The following THRB variants were observed in gnomAD, a reference collection of about 807,000 sequenced individuals.
THRB encodes nuclear receptor subfamily 1 group A member 2.
THRB carries 12 observed loss-of-function variants against 47.8 expected under a neutral mutation model. The ratio of observed to expected loss-of-function variants is 0.25; its 90% CI spans 0.16 to 0.41. THRB has a LOEUF of 0.41. Ranked by LOEUF, THRB falls within the 10% of genes least tolerant of loss-of-function variation. The pLI, the probability that THRB is intolerant of heterozygous loss-of-function variation, is 1.00. For synonymous variants in THRB, 218 were observed against 212.2 expected, an observed-to-expected ratio of 1.03 and a Z score of -0.24; for missense variants, 348 against 589.2, an observed-to-expected ratio of 0.59 and a Z score of 4.24.
At chr3:24,253,659 A>G (rs1314845700) in intron 3 of THRB, among the ~76,000 whole-genome samples, 1 of 152,192 alleles carries the variant, frequency 6.6e-6, no homozygotes, top group Non-Finnish European at 1.5e-5. Context: ...CCAGATCTTC[A>G]GATTTTCCAA....
At chr3:24,315,700 T>C (rs1004373060) in intron 2 of THRB, among the ~76,000 whole-genome samples, 3 of 152,206 alleles carry the variant, frequency 2.0e-5, no homozygotes, top group African/African-American at 7.2e-5. Context: ...TGCTACCTTA[T>C]CCACATCTAC....
At chr3:24,233,591 G>GAAAGAAAGAAAGAAAAAT (rs2048523778) in intron 3 of THRB, among the ~76,000 whole-genome samples, 37 of 69,406 alleles carry the variant, frequency 5.3e-4, no homozygotes, top group Middle Eastern at 0.01. Context: ...AAGAAAGAAA[G>GAAAGAAAGAAAGAAAAAT]AAAGAAAGAA....
chr3:24,394,425 T>A (rs370649144), intron 1 of THRB, among the ~76,000 whole-genome samples: 8 of 152,084 alleles, frequency 5.3e-5, no homozygotes, highest in African/African-American at 1.7e-4. Context: ...GCCTGGCTGA[T>A]GAGGGTTTCC....
At chr3:24,324,743 AG>A (rs550455688) in intron 2 of THRB, among the ~76,000 whole-genome samples, 93 of 152,352 alleles carry the variant, frequency 6.1e-4, no homozygotes, top group African/African-American at 2.2e-3. Context: ...ACCAAGGCCA[AG>A]CTTAAATGAG....
intron 1 of THRB, among the ~76,000 whole-genome samples, chr3:24,371,753 A>G (rs1020565964): frequency 1.4e-4 from 22 of 152,150 alleles, no homozygotes; most frequent in Admixed American, 1.2e-3. Flanking sequence ...GTATTGCTAC[A>G]TTCAGTGGTC....
intron 1 of THRB, among the ~76,000 whole-genome samples, chr3:24,375,740 C>G (rs2065238858): frequency 6.6e-6 from 1 of 151,862 alleles, no homozygotes; most frequent in African/African-American, 2.4e-5. Flanking sequence ...CCTCACTTTA[C>G]AGACAGGCAA....
chr3:24,169,907 C>G (rs903444957), intron 5 of THRB, among the ~76,000 whole-genome samples: 1 of 152,116 alleles, frequency 6.6e-6, no homozygotes, highest in East Asian at 1.9e-4. Flanking sequence ...GCAAGAGAGA[C>G]CTTATAGCCT....
chr3:24,177,556 C>G (rs2041327325), intron 5 of THRB, among the ~76,000 whole-genome samples: 1 of 152,112 alleles, frequency 6.6e-6, no homozygotes, highest in South Asian at 2.1e-4. Flanking sequence ...AGGCAGAACA[C>G]AATGAATACT....
intron 5 of THRB, among the ~76,000 whole-genome samples, chr3:24,181,405 A>G (rs190692266): frequency 1.1e-4 from 17 of 152,352 alleles, no homozygotes; most frequent in Non-Finnish European, 1.6e-4. Flanking sequence ...CCAAGAACCA[A>G]TGGTCATCTG....
chr3:24,125,067 C>CTACTT (rs1419802890), intron 10 of THRB, among the ~76,000 whole-genome samples: 1 of 152,190 alleles, frequency 6.6e-6, no homozygotes, highest in Non-Finnish European at 1.5e-5. Flanking sequence ...TCATCTCCAC[C>CTACTT]TACTTTTCCT....
chr3:24,456,055 A>T (rs1210595979), intron 1 of THRB, among the ~76,000 whole-genome samples: 1 of 152,226 alleles, frequency 6.6e-6, no homozygotes, highest in Admixed American at 6.5e-5. Context: ...TCGGCCAGGC[A>T]TGATGGCTCA....
At chr3:24,490,455 T>C (rs1051359343) in intron 1 of THRB, among the ~76,000 whole-genome samples, 8 of 152,182 alleles carry the variant, frequency 5.3e-5, no homozygotes, top group Non-Finnish European at 1.5e-5. Context: ...TACCCTTCCA[T>C]TCATTCTTCC....
chr3:24,152,543 G>C, intron 5 of THRB, 53 bp from the exon 6 acceptor site: 1 of 983,520 alleles, frequency 1.0e-6, no homozygotes, highest in Non-Finnish European at 1.6e-6. Flanking sequence ...TAACGTCAAA[G>C]AGACACTATA....
chr3:24,330,724 C>T (rs561736012), intron 2 of THRB, among the ~76,000 whole-genome samples: 14 of 152,212 alleles, frequency 9.2e-5, no homozygotes, highest in Admixed American at 2.0e-4. Flanking sequence ...CCTGGAGTAG[C>T]CAGCAGCCAG....
chr3:24,203,936 C>T (rs971056787), intron 4 of THRB, among the ~76,000 whole-genome samples: 2 of 152,234 alleles, frequency 1.3e-5, no homozygotes, highest in African/African-American at 4.8e-5. Context: ...GATCAAACTG[C>T]AAGGTGGCAG....
At chr3:24,363,103 G>C (rs892361543) in intron 1 of THRB, among the ~76,000 whole-genome samples, 1 of 152,140 alleles carries the variant, frequency 6.6e-6, no homozygotes, top group African/African-American at 2.4e-5. Context: ...ATCATTTGTA[G>C]AGGAGATGGA....
intron 2 of THRB, among the ~76,000 whole-genome samples, chr3:24,324,028 A>G: frequency 6.6e-6 from 1 of 152,054 alleles, no homozygotes; most frequent in East Asian, 1.9e-4. Context: ...CCCAATATGA[A>G]AGTTTTCTAC....
chr3:24,382,961 G>C (rs1468140565), intron 1 of THRB, among the ~76,000 whole-genome samples: 1 of 151,998 alleles, frequency 6.6e-6, no homozygotes, highest in Non-Finnish European at 1.5e-5. Context: ...AGGGTCTTCT[G>C]CATACTTTCT....
intron 1 of THRB, among the ~76,000 whole-genome samples, chr3:24,455,609 C>A (rs1306244076): frequency 1.3e-5 from 2 of 152,172 alleles, no homozygotes; most frequent in Non-Finnish European, 2.9e-5. Flanking sequence ...TTCAGATAAG[C>A]ATTTGACCTC....
Sources: allele counts gnomAD v4.1 joint callset (sites outside exome capture counted in the v4.1 genomes callset), GRCh38; gene constraint gnomAD v4.1.1; transcripts MANE v1.5; gene names NCBI Gene and HGNC (gene_info 2026-07-23, HGNC 2026-07-21).